The following CSMD1 variants were observed in gnomAD, a reference collection of about 807,000 sequenced individuals.
CSMD1 encodes the protein CUB and Sushi multiple domains 1.
CSMD1 carries 213 observed loss-of-function variants against 417.5 expected under a neutral mutation model. The ratio of observed to expected loss-of-function variants is 0.51; its 90% CI spans 0.46 to 0.57. CSMD1 has a LOEUF of 0.57. CSMD1 is among the 20% of genes least tolerant of loss of function. The pLI, the probability that CSMD1 is intolerant of heterozygous loss-of-function variation, is 0.00. For synonymous variants in CSMD1, 2,862 were observed against 1,736.8 expected (o/e 1.65, Z -16.11); for missense variants, 6,923 against 4,529.7 (o/e 1.53, Z -15.17).
intron 3 of CSMD1, among the ~76,000 whole-genome samples, chr8:4,145,947 C>A (rs34700850): frequency 2.0e-5 from 3 of 150,700 alleles, no homozygotes; most frequent in Admixed American, 2.0e-4. Flanking sequence ...ACTGACCACG[C>A]TGTTTCTTGT....
chr8:2,984,858 C>G (rs1026372212), intron 54 of CSMD1, among the ~76,000 whole-genome samples: 1 of 152,212 alleles, frequency 6.6e-6, no homozygotes, highest in Admixed American at 6.5e-5. Flanking sequence ...TTTTTTAACT[C>G]ACACATATTT....
intron 3 of CSMD1, among the ~76,000 whole-genome samples, chr8:4,365,389 GTTCT>G (rs1802004521): frequency 6.6e-6 from 1 of 152,108 alleles, no homozygotes; most frequent in Non-Finnish European, 1.5e-5. Context: ...TATTTTAGGT[GTTCT>G]TTTTAAATGT....
chr8:4,409,214 G>A (rs1172450854), intron 3 of CSMD1, among the ~76,000 whole-genome samples: 3 of 152,114 alleles, frequency 2.0e-5, no homozygotes, highest in Non-Finnish European at 2.9e-5. Flanking sequence ...AAATGAATTT[G>A]ATTGATGAAA....
chr8:4,329,345 G>A (rs1172951198), intron 3 of CSMD1, among the ~76,000 whole-genome samples: 2 of 152,164 alleles, frequency 1.3e-5, no homozygotes, highest in African/African-American at 4.8e-5. Context: ...CTGGAGTGCA[G>A]TGATGCATTC....
intron 8 of CSMD1, among the ~76,000 whole-genome samples, chr8:3,600,629 A>G (rs1355801499): frequency 6.6e-6 from 1 of 152,032 alleles, no homozygotes; most frequent in African/African-American, 2.4e-5. Flanking sequence ...GGCAGTGGAA[A>G]ACGACTGGTG....
chr8:3,440,383 C>G (rs184277007), intron 12 of CSMD1, among the ~76,000 whole-genome samples: 11 of 152,218 alleles, frequency 7.2e-5, no homozygotes, highest in Non-Finnish European at 1.3e-4. Context: ...CTTTAGATTT[C>G]CACATATTAC....
Position 4,994,357 on chromosome 8 carries a change from G to A in CSMD1, c.60C>T (p.Cys20=). The A allele has an allele frequency of 1.2e-6, 2 of 1,611,508 alleles. No homozygotes were observed. Among genetic ancestry groups the A allele is most frequent in the South Asian group, 1.1e-5 (1 of 91,082 alleles). Residue 20 remains cysteine (C), a synonymous_variant, in exon 1 of 70, where the codon TGC becomes TGT. Coordinates refer to ENST00000635120, the MANE Select transcript of CSMD1 (RefSeq NM_033225.6). The part of the protein sequence containing the change: ...LLLLLGLLVL[C]ARLLTAAKGQ... The stretch of plus-strand genomic sequence containing the variant: ...CCTTCGCTGCAGTGAGGAGCCTCGC[G>A]CACAGCACCAGCAGCCCGAGAAGCA...
At chr8:4,420,161 A>G (rs1797167465) in intron 2 of CSMD1, 96 bp from the exon 3 acceptor site, 3 of 749,042 alleles carry the variant, frequency 4.0e-6, no homozygotes, top group South Asian at 1.6e-5. Context: ...GAACAGTGGT[A>G]TATTCACTTG....
chr8:3,198,125 A>C (rs567395290), intron 33 of CSMD1, among the ~76,000 whole-genome samples: 59 of 152,358 alleles, frequency 3.9e-4, no homozygotes, highest in African/African-American at 1.4e-3. Flanking sequence ...TACTTTAAAT[A>C]AGCATAATTT....
At chr8:4,845,886 C>G (rs1267901439) in intron 1 of CSMD1, among the ~76,000 whole-genome samples, 3 of 152,212 alleles carry the variant, frequency 2.0e-5, no homozygotes, top group African/African-American at 7.2e-5. Context: ...TTGTCAGTCA[C>G]CGTGGCTAAC....
At position 3,605,085 on chromosome 8, in the gene CSMD1, C is replaced by A. The variant is rs141319985; in HGVS notation, c.1097+11625G>T. 3.8e-3 allele frequency among the ~76,000 whole-genome samples: 584 copies of A among 152,268 alleles called. 5 individuals are homozygous for A. The highest frequency in any genetic ancestry group is 0.013 in the African/African-American group (558 of 41,540). ...TCTCGGCTTACTGCAACCTCAGCCT[C>A]CCAGGTTCAAGTGATTCTCCTGCCT... On this transcript the variant is annotated intron_variant, in intron 8 of 69. Coordinates refer to ENST00000635120, the MANE Select transcript of CSMD1 (RefSeq NM_033225.6).
chr8:4,640,879 A>T (rs892323195), intron 1 of CSMD1, among the ~76,000 whole-genome samples: 3 of 148,164 alleles, frequency 2.0e-5, no homozygotes, highest in Admixed American at 6.8e-5. Flanking sequence ...AAAAAAAAAA[A>T]AGTCTAATGG....
intron 5 of CSMD1, among the ~76,000 whole-genome samples, chr8:3,822,457 T>A (rs1029474308): frequency 3.3e-5 from 5 of 152,170 alleles, no homozygotes; most frequent in African/African-American, 1.2e-4. Flanking sequence ...CAAAGAACAA[T>A]AGGTATTCCT....
At chr8:3,778,242 G>A (rs1387608497) in intron 5 of CSMD1, among the ~76,000 whole-genome samples, 1 of 152,206 alleles carries the variant, frequency 6.6e-6, no homozygotes, top group East Asian at 1.9e-4. Flanking sequence ...ACTATTTTCT[G>A]CTCTGACATT....
intron 25 of CSMD1, among the ~76,000 whole-genome samples, chr8:3,298,773 T>G (rs1273626804): frequency 6.6e-6 from 1 of 152,304 alleles, no homozygotes; most frequent in East Asian, 1.9e-4. Flanking sequence ...TACATAAAAT[T>G]CAAATTTGGC....
chr8:3,719,286 C>A (rs886870436), intron 6 of CSMD1, among the ~76,000 whole-genome samples: 28 of 152,062 alleles, frequency 1.8e-4, no homozygotes. Flanking sequence ...AGCAAAAAGG[C>A]CACTGCCCTA....
chr8:3,361,641 G>C (rs191175623), intron 20 of CSMD1, among the ~76,000 whole-genome samples: 99 of 82,488 alleles, frequency 1.2e-3, no homozygotes, highest in Middle Eastern at 0.014. Flanking sequence ...AACAGAGCAA[G>C]ATTCCATCTC....
At chr8:3,890,280 G>T (rs913215350) in intron 5 of CSMD1, among the ~76,000 whole-genome samples, 1 of 152,102 alleles carries the variant, frequency 6.6e-6, no homozygotes, top group African/African-American at 2.4e-5. Flanking sequence ...ATTTTGCTGG[G>T]TTTTGATTTA....
intron 1 of CSMD1, among the ~76,000 whole-genome samples, chr8:4,952,361 A>AT (rs1351800291): frequency 6.6e-6 from 1 of 152,116 alleles, no homozygotes; most frequent in African/African-American, 2.4e-5. Flanking sequence ...TGAATAATGT[A>AT]TGCGTTGATT....
Sources: allele counts gnomAD v4.1 joint callset (sites outside exome capture counted in the v4.1 genomes callset), GRCh38; gene constraint gnomAD v4.1.1; transcripts MANE v1.5; gene names NCBI Gene and HGNC (gene_info 2026-07-23, HGNC 2026-07-21).